Variants in MFSD11 observed in about 807,000 individuals in gnomAD.
The protein encoded by MFSD11 is UNC93-like protein MFSD11.
In MFSD11, 36 loss-of-function variants were observed where a neutral mutation model predicts 53.5. That is an observed-to-expected ratio of 0.67 (90% confidence interval 0.52 to 0.89). The LOEUF (loss-of-function observed/expected upper bound fraction) is 0.89, where lower values mean the gene tolerates loss of function less well. Among genes scored for constraint, MFSD11 ranks in the 40% least tolerant of loss-of-function variants. The pLI is 0.00. For synonymous variants in MFSD11, 186 were observed against 184.9 expected (o/e 1.01, Z -0.05); for missense variants, 530 against 543.9 (o/e 0.97, Z 0.25).
chr17:76,747,889 C>G (rs760004130), intron 7 of MFSD11: 1 of 152,166 alleles, frequency 6.6e-6, no homozygotes, highest in Non-Finnish European at 1.5e-5. Context: ...CTTCCTGAAT[C>G]GTCTCCTAAA....
At chr17:76,766,418 CA>C (rs1178883099) in intron 8 of MFSD11, among the ~76,000 whole-genome samples, 2,001 of 58,480 alleles carry the variant, frequency 0.034, 26 homozygotes, top group African/African-American at 0.1. Context: ...GACTCTGTCT[CA>C]AAAAAAAAAA....
chr17:76,792,318 T>C, the MFSD11 span, among the ~76,000 whole-genome samples: 38,425 of 150,842 alleles, frequency 0.25, 5,799 homozygotes, highest in African/African-American at 0.36. Context: ...GGGGTTTCAC[T>C]ATGTTGTCCA....
chr17:76,785,983 G>A (rs1340009989), downstream of MFSD11, among the ~76,000 whole-genome samples: 2 of 148,084 alleles, frequency 1.4e-5, no homozygotes, highest in East Asian at 2.1e-4. Flanking sequence ...GCTGAGGCAC[G>A]AGCATCACTT....
chr17:76,764,435 A>G (rs1458115717), intron 8 of MFSD11, among the ~76,000 whole-genome samples: 1 of 152,014 alleles, frequency 6.6e-6, no homozygotes, highest in Non-Finnish European at 1.5e-5. Context: ...CCCGGCAACC[A>G]CTATGCTACT....
chr17:76,764,875 A>C (rs768868124), intron 8 of MFSD11, among the ~76,000 whole-genome samples: 1 of 152,186 alleles, frequency 6.6e-6, no homozygotes, highest in Non-Finnish European at 1.5e-5. Context: ...ACCAATTTAC[A>C]TCCTCACCAA....
the MFSD11 span, among the ~76,000 whole-genome samples, chr17:76,801,627 G>A: frequency 2.0e-5 from 3 of 151,732 alleles, no homozygotes; most frequent in African/African-American, 7.3e-5. Context: ...TGCATTTTTC[G>A]TAGAGACAGG....
chr17:76,790,657 C>T, the MFSD11 span, among the ~76,000 whole-genome samples: 1 of 145,630 alleles, frequency 6.9e-6, no homozygotes, highest in Non-Finnish European at 1.5e-5. Flanking sequence ...AAACATATTC[C>T]CTAGAAATAG....
chr17:76,794,505 G>A, the MFSD11 span, among the ~76,000 whole-genome samples: 8 of 149,188 alleles, frequency 5.4e-5, 1 homozygote, highest in African/African-American at 2.0e-4. Context: ...AGCCAGGCGT[G>A]GTGGCAGGCA....
At chr17:76,763,566 A>T (rs2080502468) in intron 8 of MFSD11, among the ~76,000 whole-genome samples, 1 of 151,802 alleles carries the variant, frequency 6.6e-6, no homozygotes, top group South Asian at 2.1e-4. Context: ...GCCCGGCCCT[A>T]GTTAGATCCT....
At chr17:76,770,048 T>TC (rs1555676262) in intron 10 of MFSD11, among the ~76,000 whole-genome samples, 177 bp downstream of exon 10, 2 of 145,822 alleles carry the variant, frequency 1.4e-5, no homozygotes, top group African/African-American at 4.9e-5. Flanking sequence ...TTTTTTTTTT[T>TC]CCAGACAGAG....
At chr17:76,755,813 T>TATA (rs1491559378) in intron 8 of MFSD11, among the ~76,000 whole-genome samples, 14 of 15,054 alleles carry the variant, frequency 9.3e-4, no homozygotes, top group African/African-American at 2.7e-3. Flanking sequence ...TATATATATA[T>TATA]TTTTTTTTTT....
chr17:76,791,953 C>A, the MFSD11 span, among the ~76,000 whole-genome samples: 1 of 147,544 alleles, frequency 6.8e-6, no homozygotes. Flanking sequence ...AAGAATAGCC[C>A]AGTGCAGGGC....
intron 12 of MFSD11, among the ~76,000 whole-genome samples, chr17:76,777,730 A>G (rs1010322383): frequency 1.3e-5 from 2 of 152,204 alleles, no homozygotes; most frequent in Non-Finnish European, 2.9e-5. Flanking sequence ...GGCTCTGATT[A>G]GAGATTTCCT....
chr17:76,753,963 C>G (rs115031379), intron 7 of MFSD11, 84 bp from the exon 8 acceptor site: 2 of 1,192,196 alleles, frequency 1.7e-6, no homozygotes, highest in African/African-American at 1.5e-5. Flanking sequence ...AGGGTTTTTA[C>G]GAACGTAAAT....
Position 76,778,539 on chromosome 17 carries a change from G to A in MFSD11, c.*187G>A. The A allele has an allele frequency of 1.9e-6, 1 of 533,354 alleles. No homozygotes were observed. Among genetic ancestry groups the A allele is most frequent in the East Asian group, 2.9e-5 (1 of 34,540 alleles). 33.0% of individuals were successfully genotyped at this position (533,354 alleles called of 1,614,324 possible). On this transcript the variant is annotated 3_prime_UTR_variant, in exon 13 of 13. Coordinates refer to ENST00000685175, the MANE Select transcript of MFSD11 (RefSeq NM_001242532.5). ...TACAGATATGAGTTATTTAAAGCAA[G>A]TAGAATAAGGGAAAGCTGTTCTGTC...
chr17:76,770,643 C>G (rs191954156), intron 10 of MFSD11, among the ~76,000 whole-genome samples: 3 of 152,170 alleles, frequency 2.0e-5, no homozygotes, highest in Non-Finnish European at 4.4e-5. Flanking sequence ...GACTTGGGTA[C>G]AAATTTGGAG....
downstream of MFSD11, among the ~76,000 whole-genome samples, chr17:76,784,777 T>C (rs541937052): frequency 9.2e-5 from 14 of 152,194 alleles, no homozygotes; most frequent in East Asian, 2.7e-3. Context: ...CATGTGCCTG[T>C]AATCCTAGCT....
chr17:76,749,560 G>A (rs1389339733), intron 7 of MFSD11, among the ~76,000 whole-genome samples: 2 of 149,632 alleles, frequency 1.3e-5, no homozygotes, highest in Non-Finnish European at 3.0e-5. Flanking sequence ...AAGGAACAAT[G>A]TATGCTGTAG....
At chr17:76,791,692 T>A in the MFSD11 span, among the ~76,000 whole-genome samples, 1 of 148,988 alleles carries the variant, frequency 6.7e-6, no homozygotes, top group Non-Finnish European at 1.5e-5. Context: ...GGAAATGATT[T>A]GTTTGGCAGC....
Sources: allele counts gnomAD v4.1 joint callset (sites outside exome capture counted in the v4.1 genomes callset), GRCh38; gene constraint gnomAD v4.1.1; transcripts MANE v1.5; gene names NCBI Gene and HGNC (gene_info 2026-07-23, HGNC 2026-07-21).